MGST1: variants seen among roughly 807,000 people sequenced by gnomAD.
The protein encoded by MGST1 is microsomal glutathione S-transferase 1, also known as glutathione S-transferase 12.
Under a neutral mutation model 8.9 loss-of-function variants are expected in MGST1, and 5 were observed. The ratio of observed to expected loss-of-function variants is 0.56; its 90% CI spans 0.29 to 1.19. The LOEUF is 1.19. Among genes scored for constraint, MGST1 ranks in the 50% most tolerant of loss-of-function variants. MGST1 has a pLI of 0.08. For missense variants in MGST1, 182 were observed against 187.4 expected, an observed-to-expected ratio of 0.97 and a Z score of 0.17; for synonymous variants, 54 against 67.8, an observed-to-expected ratio of 0.80 and a Z score of 1.00.
intron 2 of MGST1, chr12:16,354,608 C>T (rs1200046325): frequency 3.0e-6 from 1 of 338,286 alleles, no homozygotes; most frequent in Non-Finnish European, 5.3e-6. Context: ...ACCTTTTTAT[C>T]ATTCTGCTAA....
intron 4 of MGST1, among the ~76,000 whole-genome samples, chr12:16,575,054 G>A (rs927414157): frequency 2.0e-5 from 3 of 150,324 alleles, no homozygotes; most frequent in East Asian, 1.9e-4. Flanking sequence ...AGGTGTTTTC[G>A]TTTGTTTATT....
At chr12:16,402,308 C>A in intron 1 of MGST1, 3 of 1,594,306 alleles carry the variant, frequency 1.9e-6, no homozygotes, top group Non-Finnish European at 2.6e-6. Flanking sequence ...CATCAACACC[C>A]ACTGATGCAA....
chr12:16,420,428 T>G (rs1940825236), intron 1 of MGST1, among the ~76,000 whole-genome samples: 1 of 152,220 alleles, frequency 6.6e-6, no homozygotes, highest in Admixed American at 6.5e-5. Context: ...TGTTCACGTG[T>G]TTTTAAATAT....
At chr12:16,412,072 T>C (rs572301531) in intron 1 of MGST1, among the ~76,000 whole-genome samples, 1 of 152,318 alleles carries the variant, frequency 6.6e-6, no homozygotes, top group East Asian at 1.9e-4. Flanking sequence ...CTGTGATATA[T>C]ATGGATTTTT....
At position 16,401,624 on chromosome 12, in the gene MGST1, C is replaced by T. The variant is rs745976293; in HGVS notation, n.778+18020C>T. The T allele has an allele frequency of 2.5e-6, 4 of 1,572,110 alleles. No individual in the cohort carries two copies. In the South Asian group the frequency reaches 4.4e-5, roughly 17 times the overall value. ...TGGCACAAGTGATAGCCCCAAAATA[C>T]ATGTGATTCTTGTCACTCACCACAC... On this transcript the variant is annotated intron_variant and non_coding_transcript_variant, in intron 1 of 1. Transcript: ENST00000359720. The surrounding 1 kb of genome is among the most constrained non-coding windows in gnomAD (Gnocchi z 4.3).
At chr12:16,450,134 T>C (rs1941117282) in intron 4 of MGST1, among the ~76,000 whole-genome samples, 1 of 152,016 alleles carries the variant, frequency 6.6e-6, no homozygotes, top group African/African-American at 2.4e-5. Flanking sequence ...TTACATGTAC[T>C]CAGCTCTTTG....
intron 4 of MGST1, among the ~76,000 whole-genome samples, chr12:16,520,552 T>C (rs938599137): frequency 1.3e-5 from 2 of 151,880 alleles, no homozygotes; most frequent in East Asian, 1.9e-4. Context: ...AGAGTAAGAA[T>C]GGGGAAGATG....
chr12:16,442,651 A>G (rs191407493), downstream of MGST1, among the ~76,000 whole-genome samples: 40 of 151,918 alleles, frequency 2.6e-4, no homozygotes, highest in African/African-American at 8.7e-4. This position sits in a 1 kb window ranked among gnomAD's most constrained non-coding sequence, Gnocchi z 4.5. Context: ...CCATTGATCT[A>G]CTTGTCTATT....
chr12:16,495,440 A>T (rs1251187514), intron 4 of MGST1, among the ~76,000 whole-genome samples: 5 of 152,114 alleles, frequency 3.3e-5, no homozygotes, highest in Non-Finnish European at 5.9e-5. Flanking sequence ...ACAAACCAGC[A>T]CATGTACCCT....
At position 16,560,309 on chromosome 12, in the gene MGST1, A is replaced by T. The variant is rs1388474785; in HGVS notation, n.483-29219A>T. 19 of 1,274,078 alleles carry T rather than the reference A, an allele frequency of 1.5e-5. No individual in the cohort carries two copies. The highest frequency in any genetic ancestry group is 2.0e-5 in the Non-Finnish European group (19 of 930,272). 78.9% of individuals were successfully genotyped at this position (1,274,078 alleles called of 1,614,324 possible). A position where few individuals can be genotyped will look rare whatever the true frequency, so the allele number is the denominator to read the frequency against. Reference sequence around the variant, plus strand: ...AAGTTTACAGAACAGAAAAACGCTGAGATTGATTGCTTTAAATGTATGAAT... The same window carrying T: ...AAGTTTACAGAACAGAAAAACGCTGTGATTGATTGCTTTAAATGTATGAAT... On this transcript the variant is annotated intron_variant and non_coding_transcript_variant, in intron 4 of 4. Coordinates refer to the MGST1 transcript ENST00000538857. This position sits in a 1 kb window ranked among gnomAD's most constrained non-coding sequence, Gnocchi z 5.0.
intron 4 of MGST1, among the ~76,000 whole-genome samples, chr12:16,496,504 A>G (rs1941471043): frequency 1.3e-5 from 2 of 152,132 alleles, no homozygotes; most frequent in African/African-American, 4.8e-5. Flanking sequence ...TTTTAGATTC[A>G]GGGGTACTTT....
At chr12:16,536,752 A>G (rs1941759014) in intron 4 of MGST1, among the ~76,000 whole-genome samples, 1 of 152,132 alleles carries the variant, frequency 6.6e-6, no homozygotes, top group Non-Finnish European at 1.5e-5. Flanking sequence ...AAACCATCAA[A>G]TCTCATGAGA....
At chr12:16,577,801 G>C (rs1478130611) in intron 4 of MGST1, among the ~76,000 whole-genome samples, 1 of 152,122 alleles carries the variant, frequency 6.6e-6, no homozygotes, top group Admixed American at 6.6e-5. Context: ...GGTTGCCCAT[G>C]ATGGTTCTCT....
At chr12:16,430,129 C>A (rs1361574884) in intron 1 of MGST1, among the ~76,000 whole-genome samples, 1 of 152,152 alleles carries the variant, frequency 6.6e-6, no homozygotes. Context: ...CTGTAAGAAG[C>A]AACTTCTCAT....
chr12:16,486,246 G>A (rs1437359573), intron 4 of MGST1, among the ~76,000 whole-genome samples: 2 of 152,128 alleles, frequency 1.3e-5, no homozygotes, highest in African/African-American at 2.4e-5. Flanking sequence ...ACAATTATTT[G>A]TATGTCTCTT....
At chr12:16,536,621 A>G (rs1485201699) in intron 4 of MGST1, among the ~76,000 whole-genome samples, 1 of 152,178 alleles carries the variant, frequency 6.6e-6, no homozygotes, top group African/African-American at 2.4e-5. Context: ...GAAGAGGTTT[A>G]ATTGGACTTA....
At chr12:16,432,739 GA>G in intron 1 of MGST1, among the ~76,000 whole-genome samples, 1 of 147,062 alleles carries the variant, frequency 6.8e-6, no homozygotes, top group African/African-American at 2.6e-5. Context: ...CACAGAGAGA[GA>G]GAATATTGTC....
At position 16,576,091 on chromosome 12, in the gene MGST1, C is replaced by G. The variant is rs1296555205; in HGVS notation, n.483-13437C>G. 6.6e-6 allele frequency among the ~76,000 whole-genome samples: 1 copy of G among 152,182 alleles called. No individual in the cohort carries two copies. The highest frequency in any genetic ancestry group is 1.5e-5 in the Non-Finnish European group (1 of 68,032). ...GCTACTTCTAGCGCGCATCGCTTCT[C>G]CCTTGCACTCATACTACAACCTCCC... On this transcript the variant is annotated intron_variant and non_coding_transcript_variant, in intron 4 of 4. Coordinates refer to the MGST1 transcript ENST00000538857. This position sits in a 1 kb window ranked among gnomAD's most constrained non-coding sequence, Gnocchi z 4.1.
chr12:16,565,859 C>T (rs1473569781), intron 4 of MGST1, among the ~76,000 whole-genome samples: 1 of 150,684 alleles, frequency 6.6e-6, no homozygotes, highest in Admixed American at 6.6e-5. Context: ...AATCCCACTA[C>T]TGGAAATCAG....
Sources: gnomAD v4.1 joint callset for allele counts (sites outside exome capture counted in the v4.1 genomes callset) on GRCh38, gnomAD v4.1.1 for gene constraint, Gnocchi (gnomAD v3.1) non-coding constraint, MANE v1.5 for transcripts, NCBI Gene and HGNC (gene_info 2026-07-23, HGNC 2026-07-21) for gene names.